NUP153: variants seen among roughly 807,000 people sequenced by gnomAD.
The protein encoded by NUP153 is nuclear pore complex protein Nup153.
NUP153 carries 27 observed loss-of-function variants against 134.6 expected under a neutral mutation model. The observed-to-expected ratio is 0.20, with a 90% confidence interval of 0.15 to 0.28. The LOEUF (loss-of-function observed/expected upper bound fraction) is 0.28. Ranked by LOEUF, NUP153 falls within the 10% of genes least tolerant of loss-of-function variation. NUP153 has a pLI of 1.00. For synonymous variants in NUP153, 640 were observed against 623.5 expected, an observed-to-expected ratio of 1.03 and a Z score of -0.40; for missense variants, 1,821 against 1,731.3, an observed-to-expected ratio of 1.05 and a Z score of -0.92.
At chr6:17,663,784 A>G (rs1471079399) in intron 9 of NUP153, among the ~76,000 whole-genome samples, 1 of 152,228 alleles carries the variant, frequency 6.6e-6, no homozygotes, top group Non-Finnish European at 1.5e-5. Flanking sequence ...TTAAGTAAAC[A>G]AAATAAATAC....
intron 2 of NUP153, among the ~76,000 whole-genome samples, chr6:17,681,426 A>G (rs1158734791): frequency 6.6e-6 from 1 of 152,148 alleles, no homozygotes; most frequent in Non-Finnish European, 1.5e-5. Flanking sequence ...TCTACTAAAA[A>G]TACAAAAAAT....
chr6:17,620,749 C>CA (rs1336007727), intron 20 of NUP153, among the ~76,000 whole-genome samples: 1 of 152,086 alleles, frequency 6.6e-6, no homozygotes, highest in African/African-American at 2.4e-5. Flanking sequence ...TGGCCGAAGA[C>CA]AATAATTCTT....
At chr6:17,699,203 TA>T (rs1435850412) in intron 1 of NUP153, among the ~76,000 whole-genome samples, 9 of 127,542 alleles carry the variant, frequency 7.1e-5, no homozygotes, top group Admixed American at 1.6e-4. Flanking sequence ...TTTTTTTTTT[TA>T]AATACAAGCT....
chr6:17,645,467 CTT>C (rs71002239), intron 14 of NUP153, among the ~76,000 whole-genome samples: 49 of 135,368 alleles, frequency 3.6e-4, no homozygotes, highest in East Asian at 6.4e-4. Flanking sequence ...ATTTCTTTTT[CTT>C]TTTTTTTTTT....
rs1355681080 is a variant in NUP153, at chr6:17,632,665, T to G, written c.2644A>C (p.Lys882Gln). ...LACESAKPGT[K>Q]SGFKGFDTSS... is the part of the protein sequence containing the mutation. Reference sequence around the variant, plus strand: ...TTGGCCTTACCTTTAAACCCAGATTTTGTGCCTGGCTTTGCACTTTCACAT... The same window carrying G: ...TTGGCCTTACCTTTAAACCCAGATTGTGTGCCTGGCTTTGCACTTTCACAT... The change falls in exon 17 of 22, where the codon AAA becomes CAA. Residue 882 changes from lysine (K) to glutamine (Q), a missense_variant. Transcript: ENST00000262077. 4 of 1,605,330 alleles carry G rather than the reference T, an allele frequency of 2.5e-6. No individual in the cohort carries two copies. The highest frequency in any genetic ancestry group is 3.4e-6 in the Non-Finnish European group (4 of 1,176,362).
Position 17,626,090 on chromosome 6 carries a change from C to T in NUP153, c.3619G>A (p.Ala1207Thr), listed in dbSNP as rs868629022. ...GAACTACCAAATATGCCACCACCAG[C>T]AGAAGTGGCTGGTGTACTTGAACTA... is the stretch of plus-strand genomic sequence containing the variant. ...SSSSSTPATSAGGGIFGSSTS... is the reference protein window; with the variant it reads ...SSSSSTPATSTGGGIFGSSTS... The change falls in exon 19 of 22, where the codon GCT becomes ACT. Residue 1207 changes from alanine to threonine, a missense_variant. Coordinates refer to ENST00000262077, the MANE Select transcript of NUP153 (RefSeq NM_005124.4). The T allele has an allele frequency of 2.5e-6, 4 of 1,613,778 alleles. No individual in the cohort carries two copies. In the African/African-American group the frequency reaches 5.3e-5, roughly 22 times the overall value.
At chr6:17,632,878 AGATTTCATG>A in intron 16 of NUP153, 34 bp from the exon 17 acceptor site, 2 of 1,463,240 alleles carry the variant, frequency 1.4e-6, no homozygotes, top group Non-Finnish European at 1.8e-6. Flanking sequence ...GAGTGGGGGG[AGATTTCATG>A]AAAATTTTAA....
At chr6:17,669,152 C>T in intron 7 of NUP153, 124 bp from the exon 8 acceptor site, 1 of 991,860 alleles carries the variant, frequency 1.0e-6, no homozygotes, top group Non-Finnish European at 1.5e-6. Context: ...GATCTTGACT[C>T]ACTGCAACCT....
At chr6:17,682,935 A>AAC (rs200498113) in intron 2 of NUP153, among the ~76,000 whole-genome samples, 1,802 of 151,620 alleles carry the variant, frequency 0.012, 48 homozygotes, top group African/African-American at 0.041. Context: ...GAAAAAAAAA[A>AAC]AAAAAAACAC....
rs201490301 is a variant in NUP153, at chr6:17,647,781, T to C, written c.1632+26A>G. 3,261 of 1,318,998 alleles carry C rather than the reference T, an allele frequency of 2.5e-3. 9 individuals carry two copies. The highest frequency in any genetic ancestry group is 3.3e-3 in the Middle Eastern group (18 of 5,488). 81.7% of individuals were successfully genotyped at this position (1,318,998 alleles called of 1,614,324 possible). ...AACATGGCTTTGAAATCAGTAAATA[T>C]ATACTATTCCTTGCTTGTTACTTAC... On this transcript the variant is annotated intron_variant, in intron 13 of 21. Coordinates refer to ENST00000262077, the MANE Select transcript of NUP153 (RefSeq NM_005124.4).
chr6:17,663,168 T>G (rs1328990045), intron 9 of NUP153, among the ~76,000 whole-genome samples: 1 of 151,790 alleles, frequency 6.6e-6, no homozygotes, highest in Non-Finnish European at 1.5e-5. Context: ...TAGTAAAATG[T>G]GAAGTTCATG....
intron 1 of NUP153, among the ~76,000 whole-genome samples, chr6:17,696,668 T>C (rs1430967741): frequency 6.6e-6 from 1 of 151,940 alleles, no homozygotes. Context: ...GGCAGGAGAA[T>C]GGCGTGAACC....
chr6:17,621,996 C>T (rs559907965), intron 20 of NUP153, among the ~76,000 whole-genome samples: 72 of 151,914 alleles, frequency 4.7e-4, no homozygotes, highest in Non-Finnish European at 9.0e-4. Flanking sequence ...ATCAAAAATG[C>T]TTTTGGATTA....
intron 16 of NUP153, among the ~76,000 whole-genome samples, chr6:17,635,159 G>A (rs1173145308): frequency 2.1e-5 from 3 of 143,842 alleles, no homozygotes; most frequent in Non-Finnish European, 4.5e-5. Context: ...GCCCAGGCTG[G>A]AGTGCAGTGG....
intron 17 of NUP153, among the ~76,000 whole-genome samples, chr6:17,632,287 C>A (rs1765293270): frequency 6.6e-6 from 1 of 151,490 alleles, no homozygotes; most frequent in Non-Finnish European, 1.5e-5. Context: ...GGCAAAAGAA[C>A]AAAACTGTCT....
Position 17,698,711 on chromosome 6 carries a change from T to C in NUP153, c.111+7566A>G, listed in dbSNP as rs1424373234. 8.9e-5 allele frequency among the ~76,000 whole-genome samples: 13 copies of C among 146,078 alleles called. No homozygotes were observed. In the South Asian group the frequency reaches 2.5e-3, roughly 28 times the overall value. ...CGAGATCGCGCCACTACACTCCAGC[T>C]TGGGCGACAGAGCAAGACTCTGTCT... is the stretch of plus-strand genomic sequence containing the variant. On this transcript the variant is annotated intron_variant, in intron 1 of 21. Transcript: ENST00000262077.
At chr6:17,666,434 G>C (rs2113822678) in intron 8 of NUP153, among the ~76,000 whole-genome samples, 1 of 152,210 alleles carries the variant, frequency 6.6e-6, no homozygotes, top group South Asian at 2.1e-4. Flanking sequence ...AGAATCGTTT[G>C]AACCCGGAGG....
At chr6:17,642,277 G>A (rs553080634) in intron 14 of NUP153, among the ~76,000 whole-genome samples, 9 of 152,278 alleles carry the variant, frequency 5.9e-5, no homozygotes, top group South Asian at 2.1e-4. Flanking sequence ...TATCAAGAAA[G>A]TGAAAAGACA....
At chr6:17,705,585 T>TGGGGGGGGGG (rs200771105) in intron 1 of NUP153, among the ~76,000 whole-genome samples, 1 of 40,150 alleles carries the variant, frequency 2.5e-5, no homozygotes. Flanking sequence ...GTGGCGGTGT[T>TGGGGGGGGGG]GGGGGGGGGG....
Sources: allele counts gnomAD v4.1 joint callset (sites outside exome capture counted in the v4.1 genomes callset), GRCh38; gene constraint gnomAD v4.1.1; transcripts MANE v1.5; gene names NCBI Gene and HGNC (gene_info 2026-07-23, HGNC 2026-07-21).